Variants in MYBL1 observed in about 807,000 individuals in gnomAD.
MYBL1 encodes the protein myb-related protein A.
Under a neutral mutation model 96.3 loss-of-function variants are expected in MYBL1, and 17 were observed. The ratio of observed to expected loss-of-function variants is 0.18; its 90% CI spans 0.12 to 0.26. MYBL1 has a LOEUF of 0.26. MYBL1 is among the 10% of genes least tolerant of loss of function. The pLI is 1.00. For missense variants in MYBL1, 701 were observed against 882.9 expected, an observed-to-expected ratio of 0.79 and a Z score of 2.61; for synonymous variants, 282 against 292.7, an observed-to-expected ratio of 0.96 and a Z score of 0.37.
intron 1 of MYBL1, among the ~76,000 whole-genome samples, chr8:66,603,775 G>A (rs981512814): frequency 2.0e-5 from 3 of 152,066 alleles, no homozygotes; most frequent in Admixed American, 6.6e-5. Flanking sequence ...CCACGCTTGA[G>A]ATTACAGGCA....
At chr8:66,603,218 G>A (rs1810177182) in intron 1 of MYBL1, among the ~76,000 whole-genome samples, 1 of 152,098 alleles carries the variant, frequency 6.6e-6, no homozygotes, top group African/African-American at 2.4e-5. Context: ...GATATCTTGT[G>A]TTTTAGAAAA....
intron 12 of MYBL1, among the ~76,000 whole-genome samples, chr8:66,570,484 T>C (rs1240570372): frequency 6.6e-6 from 1 of 152,118 alleles, no homozygotes; most frequent in East Asian, 1.9e-4. Flanking sequence ...ATTCCACTTA[T>C]ATGTTCACCA....
intron 8 of MYBL1, among the ~76,000 whole-genome samples, chr8:66,587,121 G>A (rs1460292664): frequency 6.6e-6 from 1 of 151,996 alleles, no homozygotes; most frequent in African/African-American, 2.4e-5. Flanking sequence ...GAGAGGAGGA[G>A]TAAGTTCCAG....
intron 15 of MYBL1, chr8:66,565,486 AG>A (rs1808468508): frequency 6.6e-6 from 1 of 152,270 alleles, no homozygotes; most frequent in African/African-American, 2.4e-5. Flanking sequence ...CTTCAATATC[AG>A]GAATACTAGT....
intron 2 of MYBL1, among the ~76,000 whole-genome samples, 172 bp downstream of exon 2, chr8:66,602,246 T>G (rs1388456538): frequency 1.3e-5 from 2 of 152,068 alleles, no homozygotes; most frequent in Admixed American, 1.3e-4. Context: ...AGACGGGGTT[T>G]CATCATGTTG....
In MYBL1 at chr8:66,564,570, A is replaced by G. The variant is rs907012259; in HGVS notation, c.*127T>C. Reference sequence around the variant, plus strand: ...TTCTGCCTACTATATAGAATAGAAAAAAGATGCTGTATTAAAAGGGCTATC... The same window carrying G: ...TTCTGCCTACTATATAGAATAGAAAGAAGATGCTGTATTAAAAGGGCTATC... On this transcript the variant is annotated 3_prime_UTR_variant, in exon 16 of 16. Transcript: ENST00000522677. 1.5e-6 allele frequency: 1 copy of G among 646,810 alleles called. No individual in the cohort carries two copies. Among genetic ancestry groups the G allele is most frequent in the Non-Finnish European group, 2.3e-6 (1 of 433,646 alleles). 40.1% of individuals were successfully genotyped at this position (646,810 alleles called of 1,614,324 possible). A position where few individuals can be genotyped will look rare whatever the true frequency, so the allele number is the denominator to read the frequency against.
In MYBL1 at chr8:66,573,495, T is replaced by C. The variant is rs1222179868; in HGVS notation, c.1482A>G (p.Thr494=). Residue 494 remains threonine, a synonymous_variant, in exon 11 of 16, where the codon ACA becomes ACG. Coordinates refer to ENST00000522677, the MANE Select transcript of MYBL1 (RefSeq NM_001080416.4). ...TATTAAGTTGTTCATTACCAGGACA[T>C]GTGTTGAAAAACTAGAAAGGGAAGA... ...LPFSPSQFFN[T]CPGNEQLNIE... 6.2e-7 allele frequency: 1 copy of C among 1,602,038 alleles called. No individual in the cohort carries two copies.
intron 1 of MYBL1, among the ~76,000 whole-genome samples, chr8:66,605,288 C>T (rs1299366674): frequency 6.6e-6 from 1 of 152,078 alleles, no homozygotes; most frequent in East Asian, 1.9e-4. Context: ...GGCTATCCTA[C>T]AGGGCAGAGC....
chr8:66,593,328 T>C, intron 6 of MYBL1, 134 bp from the exon 7 acceptor site: 1 of 541,240 alleles, frequency 1.8e-6, no homozygotes, highest in South Asian at 2.9e-5. Context: ...TTTTGAAATG[T>C]TATACCTATA....
At chr8:66,593,677 A>G (rs1809740526) in intron 6 of MYBL1, among the ~76,000 whole-genome samples, 1 of 152,210 alleles carries the variant, frequency 6.6e-6, no homozygotes, top group African/African-American at 2.4e-5. Context: ...TACTTGTCTT[A>G]GAAAAACAAT....
chr8:66,592,064 G>C (rs982889626), intron 8 of MYBL1, among the ~76,000 whole-genome samples: 3 of 151,916 alleles, frequency 2.0e-5, no homozygotes, highest in African/African-American at 7.3e-5. Context: ...CCAGGAGTTT[G>C]AGACCAGCCT....
chr8:66,582,297 T>C (rs903401356), intron 8 of MYBL1, among the ~76,000 whole-genome samples: 2 of 152,012 alleles, frequency 1.3e-5, no homozygotes, highest in East Asian at 1.9e-4. Flanking sequence ...CAAAAACTCA[T>C]GTCACCTGTA....
At chr8:66,608,049 A>G (rs1446650956) in intron 1 of MYBL1, among the ~76,000 whole-genome samples, 1 of 152,228 alleles carries the variant, frequency 6.6e-6, no homozygotes, top group Non-Finnish European at 1.5e-5. Context: ...TCTACATCAC[A>G]TTTAATCATA....
chr8:66,578,526 A>C lies in MYBL1; in HGVS notation c.1101+1607T>G, dbSNP rs1480678573. Among the ~76,000 whole-genome samples the C allele has an allele frequency of 5.9e-5, 9 of 151,754 alleles. 1 individual carries two copies. In the South Asian group the frequency reaches 1.7e-3, roughly 28 times the overall value. ...CAGAGAAATGCAAATCAAAACCACA[A>C]TGAGATACCATCTCACACCAGTTAG... On this transcript the variant is annotated intron_variant, in intron 9 of 15. Coordinates refer to ENST00000522677, the MANE Select transcript of MYBL1 (RefSeq NM_001080416.4).
intron 6 of MYBL1, among the ~76,000 whole-genome samples, chr8:66,594,556 T>C (rs1228122757): frequency 6.6e-6 from 1 of 152,178 alleles, no homozygotes; most frequent in Non-Finnish European, 1.5e-5. Context: ...ATTATCTTTC[T>C]ACGAGTTAAA....
Position 66,580,255 on chromosome 8 carries a change from T to A in MYBL1, c.979A>T (p.Asn327Tyr), listed in dbSNP as rs749713081. The change falls in exon 9 of 16, where the codon AAT becomes TAT. Residue 327 changes from asparagine (N) to tyrosine (Y), a missense_variant. This residue lies in a region of MYBL1 where 396 missense variants were observed against 407.4 expected (regional missense o/e 0.97). Transcript: ENST00000522677. ...TTCTGCTGAGCAGACACAGGCTGATTTTCATCCATACTGTAAAACTCACTA... is the reference window on the plus strand; with the variant it reads ...TTCTGCTGAGCAGACACAGGCTGATATTCATCCATACTGTAAAACTCACTA... ...HTSEFYSMDE[N>Y]QPVSAQQNSP... 1 of 1,613,912 alleles carries A rather than the reference T, an allele frequency of 6.2e-7. No homozygotes were observed. The highest frequency in any genetic ancestry group is 8.5e-7 in the Non-Finnish European group (1 of 1,179,842).
chr8:66,613,029 G>T lies in MYBL1; in HGVS notation c.-191C>A. ...CGGGGGCGGACCGCGACCCGACCCC[G>T]ACCCCGGCCCGCAGCGCCGCTCTTA... On this transcript the variant is annotated 5_prime_UTR_variant, in exon 1 of 16. Transcript: ENST00000522677. The T allele has an allele frequency of 1.9e-6, 1 of 539,180 alleles. No individual in the cohort carries two copies. Among genetic ancestry groups the T allele is most frequent in the Non-Finnish European group, 2.9e-6 (1 of 350,232 alleles). 33.4% of individuals were successfully genotyped at this position (539,180 alleles called of 1,614,324 possible). A position where few individuals can be genotyped will look rare whatever the true frequency, so the allele number is the denominator to read the frequency against.
At chr8:66,564,901 A>G (rs1314327193) in intron 15 of MYBL1, 76 bp from the exon 16 acceptor site, 2 of 974,686 alleles carry the variant, frequency 2.1e-6, no homozygotes, top group African/African-American at 3.4e-5. Flanking sequence ...TCTTAAAGTC[A>G]GTTATTTTAA....
intron 9 of MYBL1, among the ~76,000 whole-genome samples, chr8:66,578,467 G>A (rs1586564437): frequency 6.6e-6 from 1 of 152,168 alleles, no homozygotes; most frequent in African/African-American, 2.4e-5. Context: ...GCAGCCAAAA[G>A]ACACTTGAAA....
Sources: allele counts gnomAD v4.1 joint callset (sites outside exome capture counted in the v4.1 genomes callset), GRCh38; gene constraint gnomAD v4.1.1; regional missense constraint gnomAD v4.1.1; transcripts MANE v1.5; gene names NCBI Gene and HGNC (gene_info 2026-07-23, HGNC 2026-07-21).